Variants in DKK3 observed in about 807,000 individuals in gnomAD.
DKK3 encodes dickkopf Wnt signaling pathway inhibitor 3, also known as dickkopf-related protein 3.
In DKK3, 22 loss-of-function variants were observed where a neutral mutation model predicts 33.2. The ratio of observed to expected loss-of-function variants is 0.66; its 90% confidence interval spans 0.47 to 0.95. DKK3 has a LOEUF of 0.95. DKK3 is among the 40% of genes least tolerant of loss of function. The pLI is 0.00. For missense variants in DKK3, 398 were observed against 458.4 expected (o/e 0.87, Z 1.20); for synonymous variants, 194 against 188.8 (o/e 1.03, Z -0.23).
intron 3 of DKK3, among the ~76,000 whole-genome samples, chr11:11,972,139 G>C (rs1008935387): frequency 6.6e-6 from 1 of 152,208 alleles, no homozygotes; most frequent in Non-Finnish European, 1.5e-5. Context: ...TTGGGCTGCT[G>C]ACTCTACCTC....
chr11:11,964,357 G>A lies in DKK3; in HGVS notation c.*107C>T. On this transcript the variant is annotated 3_prime_UTR_variant, in exon 7 of 7. Transcript: ENST00000683431. ...TGTCAAGCCAGAGGGGAAACTTACT[G>A]GGAAGAAGATGTAGGAAGAAGCCTG... 1.4e-6 allele frequency: 2 copies of A among 1,402,592 alleles called. No individual in the cohort carries two copies. Among genetic ancestry groups the A allele is most frequent in the South Asian group, 1.4e-5 (1 of 73,590 alleles). The allele number at this position is 1,402,592 out of a possible 1,614,324, so 86.9% of individuals were successfully genotyped here.
At position 11,998,676 on chromosome 11, in the gene DKK3, C is replaced by T. The variant is rs770897590; in HGVS notation, c.435+20G>A. On this transcript the variant is annotated intron_variant, in intron 3 of 6. Transcript: ENST00000683431. ...AAGTGAGTGTGTCGGGGTGCAAGTA[C>T]AGGGGAAATGACAACTTACGTGGCT... The T allele has an allele frequency of 2.5e-6, 4 of 1,606,540 alleles. No homozygotes were observed. Among genetic ancestry groups the T allele is most frequent in the South Asian group, 1.1e-5 (1 of 90,934 alleles).
intron 2 of DKK3, chr11:12,001,716 T>C (rs1160320661): frequency 2.0e-5 from 3 of 152,306 alleles, no homozygotes; most frequent in African/African-American, 7.2e-5. Flanking sequence ...CTGGTTGTTC[T>C]TCATGCATGA....
intron 3 of DKK3, among the ~76,000 whole-genome samples, chr11:11,975,850 T>G (rs1847821990): frequency 6.6e-6 from 1 of 152,210 alleles, no homozygotes; most frequent in African/African-American, 2.4e-5. Context: ...TCTGGGGCCA[T>G]GTAGGGCTGA....
chr11:12,001,129 C>A (rs901206598), intron 2 of DKK3, among the ~76,000 whole-genome samples: 2 of 152,288 alleles, frequency 1.3e-5, no homozygotes, highest in Admixed American at 6.5e-5. Flanking sequence ...AAGAAGCAAC[C>A]AAACCTGTTG....
chr11:11,965,732 C>T, intron 6 of DKK3, 77 bp downstream of exon 6: 1 of 1,533,814 alleles, frequency 6.5e-7, no homozygotes. Context: ...GGAAAACCTG[C>T]TCCTGCTCCT....
chr11:11,994,492 TG>T (rs1026571881), intron 3 of DKK3: 8 of 152,182 alleles, frequency 5.3e-5, no homozygotes, highest in Admixed American at 5.2e-4. Flanking sequence ...CTAGCCTCCC[TG>T]GACCTTGCAG....
chr11:11,986,277 G>T (rs1175350633), intron 3 of DKK3, among the ~76,000 whole-genome samples: 1 of 152,094 alleles, frequency 6.6e-6, no homozygotes, highest in South Asian at 2.1e-4. Flanking sequence ...TTTCCACATC[G>T]CATCACTGAA....
chr11:11,995,603 T>C (rs1848276075), intron 3 of DKK3, among the ~76,000 whole-genome samples: 1 of 152,242 alleles, frequency 6.6e-6, no homozygotes, highest in African/African-American at 2.4e-5. Flanking sequence ...CTTGGCTAAT[T>C]GGGCCAGACT....
At chr11:11,968,666 A>G in intron 3 of DKK3, 179 bp from the exon 4 acceptor site, 1 of 534,986 alleles carries the variant, frequency 1.9e-6, no homozygotes, top group Non-Finnish European at 3.3e-6. Context: ...ACTGCCCTTC[A>G]GCATCTCCAT....
intron 3 of DKK3, among the ~76,000 whole-genome samples, chr11:11,997,648 C>T (rs1478727116): frequency 6.6e-6 from 1 of 152,148 alleles, no homozygotes; most frequent in Non-Finnish European, 1.5e-5. Flanking sequence ...CACTTCACTG[C>T]ACAGTTCCTC....
At chr11:11,965,353 C>T in intron 6 of DKK3, among the ~76,000 whole-genome samples, 1 of 152,182 alleles carries the variant, frequency 6.6e-6, no homozygotes, top group East Asian at 1.9e-4. Flanking sequence ...GAGATGTGCC[C>T]TGAGAAGCTG....
intron 3 of DKK3, among the ~76,000 whole-genome samples, chr11:11,973,846 G>C (rs1402787391): frequency 6.6e-6 from 1 of 152,240 alleles, no homozygotes; most frequent in Admixed American, 6.5e-5. Context: ...GTGAGCAGAA[G>C]TCAAAACTTG....
intron 3 of DKK3, among the ~76,000 whole-genome samples, chr11:11,983,822 C>T (rs567591458): frequency 2.0e-5 from 3 of 152,236 alleles, no homozygotes; most frequent in South Asian, 2.1e-4. Context: ...GACCAACCCC[C>T]GACCCAATGC....
At chr11:11,974,315 C>T (rs774059577) in intron 3 of DKK3, among the ~76,000 whole-genome samples, 4 of 152,248 alleles carry the variant, frequency 2.6e-5, no homozygotes, top group Non-Finnish European at 5.9e-5. Flanking sequence ...TCCTCACAGC[C>T]ACCCTTTGAG....
intron 3 of DKK3, among the ~76,000 whole-genome samples, chr11:11,980,825 C>T (rs1847939259): frequency 6.6e-6 from 1 of 152,170 alleles, no homozygotes; most frequent in Non-Finnish European, 1.5e-5. Context: ...GATGGGAGGG[C>T]TGTAAGTGCC....
At chr11:11,995,061 C>T (rs1848262927) in intron 3 of DKK3, among the ~76,000 whole-genome samples, 2 of 152,084 alleles carry the variant, frequency 1.3e-5, no homozygotes, top group African/African-American at 4.8e-5. Flanking sequence ...AAAATCCATC[C>T]ACCTGTGGCC....
At chr11:12,001,266 AT>A (rs1203896558) in intron 2 of DKK3, among the ~76,000 whole-genome samples, 1 of 152,174 alleles carries the variant, frequency 6.6e-6, no homozygotes, top group African/African-American at 2.4e-5. Context: ...AAACTCATTC[AT>A]TTACCTGGAG....
chr11:11,968,932 T>C (rs1847663596), intron 3 of DKK3, among the ~76,000 whole-genome samples: 1 of 152,138 alleles, frequency 6.6e-6, no homozygotes, highest in South Asian at 2.1e-4. Flanking sequence ...AGAGGGGGCA[T>C]CGCTAGGGAC....
Sources: allele counts gnomAD v4.1 joint callset (sites outside exome capture counted in the v4.1 genomes callset), GRCh38; gene constraint gnomAD v4.1.1; transcripts MANE v1.5; gene names NCBI Gene and HGNC (gene_info 2026-07-23, HGNC 2026-07-21).